The following HTR1D variants were observed in gnomAD, a reference collection of about 807,000 sequenced individuals.
HTR1D encodes 5-hydroxytryptamine receptor 1D.
HTR1D carries 18 observed loss-of-function variants against 21.1 expected under a neutral mutation model. The ratio of observed to expected loss-of-function variants is 0.85; its 90% CI spans 0.59 to 1.27. The LOEUF is 1.27. HTR1D is among the 50% of genes most tolerant of loss of function. The pLI, the probability that HTR1D is intolerant of heterozygous loss-of-function variation, is 0.00. For synonymous variants in HTR1D, 196 were observed against 204.4 expected (o/e 0.96, Z 0.35); for missense variants, 456 against 481.4 (o/e 0.95, Z 0.49).
Position 23,193,714 on chromosome 1 carries a change from A to G in HTR1D, c.506T>C (p.Ile169Thr). ...IAIVWAISIC[I>T]SIPPLFWRQA... ...CCGCCAGAAGAGCGGGGGGATGGAG[A>G]TGCAGATGGAGATGGCCCAGACAAT... Residue 169 changes from isoleucine (I) to threonine (T), a missense_variant, in exon 2 of 2, where the codon ATC (isoleucine) becomes ACC (threonine). Transcript: ENST00000374619. The G allele has an allele frequency of 6.2e-7, 1 of 1,613,996 alleles. No homozygotes were observed. The highest frequency in any genetic ancestry group is 8.5e-7 in the Non-Finnish European group (1 of 1,179,980).
At chr1:23,205,687 G>T (rs1293982421) in intron 1 of HTR1D, among the ~76,000 whole-genome samples, 3 of 150,956 alleles carry the variant, frequency 2.0e-5, no homozygotes, top group Non-Finnish European at 4.4e-5. Flanking sequence ...GGGATTACAG[G>T]CATGCGCCAC....
chr1:23,196,912 C>A (rs991690486), intron 1 of HTR1D, among the ~76,000 whole-genome samples: 1 of 152,146 alleles, frequency 6.6e-6, no homozygotes, highest in African/African-American at 2.4e-5. Flanking sequence ...CTCCTGCCCC[C>A]ACTCGCCCCA....
At position 23,207,412 on chromosome 1, in the gene HTR1D, A is replaced by G. The variant is rs78150819; in HGVS notation, c.-783+9879T>C. On this transcript the variant is annotated intron_variant, in intron 1 of 1. Transcript: ENST00000374619. ...TAACAGAATGAGACTCCATCTCAAGAAAAAAAAAAAATCTGTTAAAAACAA... is the reference window on the plus strand; with the variant it reads ...TAACAGAATGAGACTCCATCTCAAGGAAAAAAAAAAATCTGTTAAAAACAA... Among the ~76,000 whole-genome samples, 4 of 146,970 alleles carry G rather than the reference A, an allele frequency of 2.7e-5. No homozygotes were observed. The East Asian group carries it at 7.9e-4, about 29-fold the overall frequency.
At position 23,193,645 on chromosome 1, in the gene HTR1D, G is replaced by A. The variant is rs763032266; in HGVS notation, c.575C>T (p.Thr192Ile). 5 of 1,613,828 alleles carry A rather than the reference G, an allele frequency of 3.1e-6. No individual in the cohort carries two copies. The highest frequency in any genetic ancestry group is 4.2e-6 in the Non-Finnish European group (5 of 1,179,848). ...QEEMSDCLVN[T>I]SQISYTIYST... ...GTAGATGGTGTAGGAGATCTGAGAG[G>A]TGTTCACCAGACAGTCCGACATCTC... is the stretch of plus-strand genomic sequence containing the variant. The change falls in exon 2 of 2, where the codon ACC (threonine) becomes ATC (isoleucine). Residue 192 changes from threonine (T) to isoleucine (I), a missense_variant. By Grantham distance (89) the Thr-to-Ile change is moderately conservative. Coordinates refer to ENST00000374619, the MANE Select transcript of HTR1D (RefSeq NM_000864.5).
At chr1:23,214,759 A>AG (rs1479336139) in intron 1 of HTR1D, among the ~76,000 whole-genome samples, 1 of 152,182 alleles carries the variant, frequency 6.6e-6, no homozygotes, top group East Asian at 1.9e-4. Flanking sequence ...ATGCCCTGCT[A>AG]ACATACACCT....
chr1:23,195,774 C>T (rs561370359), intron 1 of HTR1D, among the ~76,000 whole-genome samples: 18 of 152,018 alleles, frequency 1.2e-4, no homozygotes, highest in Non-Finnish European at 2.4e-4. Flanking sequence ...TGTACCTTTT[C>T]TTCTGGTTGT....
chr1:23,198,433 C>T (rs1266049531), intron 1 of HTR1D, among the ~76,000 whole-genome samples: 2 of 148,440 alleles, frequency 1.3e-5, no homozygotes, highest in East Asian at 4.0e-4. Context: ...ATTGGAGAAA[C>T]TTCATAAGCA....
chr1:23,208,239 G>C (rs1029849159), intron 1 of HTR1D, among the ~76,000 whole-genome samples: 1 of 152,094 alleles, frequency 6.6e-6, no homozygotes, highest in Non-Finnish European at 1.5e-5. Flanking sequence ...GACCAGCCTG[G>C]GCAACATGGC....
intron 1 of HTR1D, among the ~76,000 whole-genome samples, chr1:23,206,749 G>A (rs918838797): frequency 1.3e-5 from 2 of 152,040 alleles, no homozygotes; most frequent in East Asian, 1.9e-4. Flanking sequence ...CCCCTTTCCT[G>A]AGAGCCTGCC....
chr1:23,214,963 G>A (rs923847577), intron 1 of HTR1D, among the ~76,000 whole-genome samples: 1 of 152,186 alleles, frequency 6.6e-6, no homozygotes, highest in Admixed American at 6.5e-5. Flanking sequence ...GAGGAGCAGA[G>A]GGCCTGGGGG....
At chr1:23,207,661 G>A (rs1158115190) in intron 1 of HTR1D, among the ~76,000 whole-genome samples, 1 of 152,076 alleles carries the variant, frequency 6.6e-6, no homozygotes, top group East Asian at 1.9e-4. Context: ...GGCCCCCAGT[G>A]CCTTCCTGCT....
chr1:23,213,471 C>T (rs977096952), intron 1 of HTR1D, among the ~76,000 whole-genome samples: 6 of 49,480 alleles, frequency 1.2e-4, no homozygotes, highest in Admixed American at 6.3e-4. Context: ...CAGAGACAGA[C>T]TCCGTCTAAA....
intron 1 of HTR1D, among the ~76,000 whole-genome samples, chr1:23,208,380 T>A (rs1377942361): frequency 6.6e-6 from 1 of 152,032 alleles, no homozygotes; most frequent in Non-Finnish European, 1.5e-5. Flanking sequence ...GAGACCAGCC[T>A]GACCAACATG....
At chr1:23,216,874 G>T (rs1045309274) in intron 1 of HTR1D, among the ~76,000 whole-genome samples, 10 of 152,106 alleles carry the variant, frequency 6.6e-5, no homozygotes, top group Admixed American at 5.9e-4. Flanking sequence ...TCCAGAGAGG[G>T]GAGGCCCCTC....
chr1:23,207,425 C>A (rs1214297629), intron 1 of HTR1D, among the ~76,000 whole-genome samples: 2 of 151,938 alleles, frequency 1.3e-5, no homozygotes, highest in Non-Finnish European at 2.9e-5. Context: ...AAAAAAAAAT[C>A]TGTTAAAAAC....
chr1:23,193,029 A>AG lies in HTR1D; in HGVS notation c.*56_*57insC. 1 of 1,093,336 alleles carries AG rather than the reference A, an allele frequency of 9.1e-7. No individual in the cohort carries two copies. Among genetic ancestry groups the AG allele is most frequent in the Non-Finnish European group, 1.3e-6 (1 of 767,886 alleles). 67.7% of individuals were successfully genotyped at this position (1,093,336 alleles called of 1,614,324 possible). A position where few individuals can be genotyped will look rare whatever the true frequency, so the allele number is the denominator to read the frequency against. ...CAGAAAATAATTAAAAAAAAAAAAG[A>AG]CAATCCCGATGAGGTTACAGGACAC... is the stretch of plus-strand genomic sequence containing the variant. On this transcript the variant is annotated 3_prime_UTR_variant, in exon 2 of 2. Coordinates refer to ENST00000374619, the MANE Select transcript of HTR1D (RefSeq NM_000864.5).
At chr1:23,200,015 A>G (rs1557722391) in intron 1 of HTR1D, among the ~76,000 whole-genome samples, 1 of 152,024 alleles carries the variant, frequency 6.6e-6, no homozygotes, top group Non-Finnish European at 1.5e-5. Context: ...AGTATATGTA[A>G]TTTTTCTCAA....
rs576182857 is a variant in HTR1D at position 23,194,470 on chromosome 1, C to T, written c.-251G>A. 2.0e-5 allele frequency: 5 copies of T among 255,234 alleles called. No individual in the cohort carries two copies. Among genetic ancestry groups the T allele is most frequent in the African/African-American group, 1.1e-4 (5 of 44,126 alleles). 15.8% of individuals were successfully genotyped at this position (255,234 alleles called of 1,614,324 possible). On this transcript the variant is annotated 5_prime_UTR_variant, in exon 2 of 2. Transcript: ENST00000374619. ...ATTTGAAGAATGCTGAGACAACTAC[C>T]AGCTGGTAGTTAAAGGTCTTTCCTA...
rs908174515 is a variant in HTR1D at position 23,207,738 on chromosome 1, A to G, written c.-783+9553T>C. On this transcript the variant is annotated intron_variant, in intron 1 of 1. Transcript: ENST00000374619. Reference sequence around the variant, plus strand: ...GAGACCACCTCAAACAACCAAACACACTGTTAAAAGGCAAGAGCCTCTTTT... The same window carrying G: ...GAGACCACCTCAAACAACCAAACACGCTGTTAAAAGGCAAGAGCCTCTTTT... 4.8e-5 allele frequency among the ~76,000 whole-genome samples: 7 copies of G among 146,268 alleles called. No homozygotes were observed. The South Asian group carries it at 1.5e-3, about 32-fold the overall frequency.
Sources: allele counts gnomAD v4.1 joint callset (sites outside exome capture counted in the v4.1 genomes callset), GRCh38; gene constraint gnomAD v4.1.1; transcripts MANE v1.5; gene names NCBI Gene and HGNC (gene_info 2026-07-23, HGNC 2026-07-21).